Variants in TAFA1 observed in about 807,000 individuals in gnomAD.
TAFA1 encodes chemokine-like protein TAFA-1.
A neutral mutation model predicts 18.5 loss-of-function variants in TAFA1; 4 were observed. The observed-to-expected ratio is 0.22, with a 90% CI of 0.11 to 0.49. The LOEUF is 0.49. Among genes scored for constraint, TAFA1 ranks in the 20% least tolerant of loss-of-function variants. The probability of loss-of-function intolerance (pLI) is 0.98; values close to 1 mark genes in which losing one functional copy is unlikely to be tolerated. For synonymous variants in TAFA1, 56 were observed against 55.2 expected, an observed-to-expected ratio of 1.01 and a Z score of -0.06; for missense variants, 147 against 169.0, an observed-to-expected ratio of 0.87 and a Z score of 0.72.
chr3:68,136,359 G>A lies in TAFA1; in HGVS notation c.118+129615G>A, dbSNP rs76509910. ...ATTTGAAATATACATTGACTTAAAT[G>A]CAAATAGTCAGGCTGAAGCTCTGCT... On this transcript the variant is annotated intron_variant, in intron 2 of 4. Coordinates refer to ENST00000478136, the MANE Select transcript of TAFA1 (RefSeq NM_213609.4). 4.4e-3 allele frequency among the ~76,000 whole-genome samples: 673 copies of A among 152,276 alleles called. 7 individuals carry two copies. Among genetic ancestry groups the A allele is most frequent in the African/African-American group, 0.015 (622 of 41,560 alleles).
intron 2 of TAFA1, among the ~76,000 whole-genome samples, chr3:68,008,005 C>T (rs1296962196): frequency 1.3e-5 from 2 of 152,244 alleles, no homozygotes; most frequent in South Asian, 4.1e-4. Flanking sequence ...CTGCTGGGTG[C>T]TGGAGCTCGG....
intron 2 of TAFA1, among the ~76,000 whole-genome samples, chr3:68,184,529 T>G (rs1425487406): frequency 6.6e-6 from 1 of 152,134 alleles, no homozygotes; most frequent in Non-Finnish European, 1.5e-5. Context: ...AATTATTATT[T>G]TTTGCCCCTG....
At chr3:68,525,755 T>C (rs2073103419) in intron 3 of TAFA1, among the ~76,000 whole-genome samples, 1 of 152,196 alleles carries the variant, frequency 6.6e-6, no homozygotes, top group Admixed American at 6.5e-5. Context: ...CTAGTTATGT[T>C]TTTTGAAGTT....
rs141270264 is a variant in TAFA1, at chr3:68,137,271, G to T, written c.118+130527G>T. The stretch of plus-strand genomic sequence containing the variant: ...TTTTTTTTTCTTTTAGTTCCCAAAG[G>T]TTCTATTTTTTGTTGTTCTTTCAAT... On this transcript the variant is annotated intron_variant, in intron 2 of 4. Coordinates refer to ENST00000478136, the MANE Select transcript of TAFA1 (RefSeq NM_213609.4). Among the ~76,000 whole-genome samples the T allele has an allele frequency of 6.0e-4, 91 of 151,750 alleles. 1 individual carries two copies. The highest frequency in any genetic ancestry group is 2.1e-3 in the African/African-American group (89 of 41,406).
intron 2 of TAFA1, among the ~76,000 whole-genome samples, chr3:68,142,122 A>G (rs566876919): frequency 1.3e-4 from 20 of 152,352 alleles, no homozygotes; most frequent in African/African-American, 4.6e-4. Flanking sequence ...AAGATAAAAA[A>G]GAAGAGAGAT....
chr3:68,510,141 C>G (rs1004007168), intron 3 of TAFA1, among the ~76,000 whole-genome samples: 5 of 152,140 alleles, frequency 3.3e-5, no homozygotes, highest in African/African-American at 7.2e-5. Flanking sequence ...TCTTTCCCAT[C>G]CTGCTTTGGA....
At chr3:68,345,481 G>A (rs192024252) in intron 2 of TAFA1, among the ~76,000 whole-genome samples, 4 of 152,222 alleles carry the variant, frequency 2.6e-5, no homozygotes, top group Admixed American at 6.5e-5. Context: ...CCTCTGACTC[G>A]AGGAAAATAG....
At chr3:68,180,992 T>G (rs959625939) in intron 2 of TAFA1, among the ~76,000 whole-genome samples, 1 of 152,202 alleles carries the variant, frequency 6.6e-6, no homozygotes, top group African/African-American at 2.4e-5. Flanking sequence ...CTGGTTTTCA[T>G]GAAACAAGCT....
chr3:68,174,974 C>T (rs1683327207), intron 2 of TAFA1, among the ~76,000 whole-genome samples: 1 of 152,160 alleles, frequency 6.6e-6, no homozygotes. Flanking sequence ...GCCCTGCAGC[C>T]CAGCTGCTCC....
At chr3:68,329,217 T>C (rs1455352715) in intron 2 of TAFA1, among the ~76,000 whole-genome samples, 3 of 60,498 alleles carry the variant, frequency 5.0e-5, no homozygotes, top group Admixed American at 1.9e-4. Flanking sequence ...CCTGGCTGCC[T>C]TTTTTTTTTT....
chr3:68,182,755 C>G (rs564623967), intron 2 of TAFA1, among the ~76,000 whole-genome samples: 7 of 152,182 alleles, frequency 4.6e-5, no homozygotes, highest in Admixed American at 2.0e-4. Context: ...GTAAACCCTA[C>G]GTAAAACATA....
intron 3 of TAFA1, among the ~76,000 whole-genome samples, chr3:68,508,702 C>T (rs975028361): frequency 6.6e-6 from 1 of 151,834 alleles, no homozygotes; most frequent in African/African-American, 2.4e-5. Context: ...AAAAATAACA[C>T]CAATAGACAT....
At chr3:68,234,827 T>C (rs1308231702) in intron 2 of TAFA1, among the ~76,000 whole-genome samples, 1 of 152,202 alleles carries the variant, frequency 6.6e-6, no homozygotes, top group African/African-American at 2.4e-5. Context: ...GAAAATCACA[T>C]AAAGGCAAAG....
At chr3:68,174,864 T>A (rs1242401815) in intron 2 of TAFA1, among the ~76,000 whole-genome samples, 1 of 152,054 alleles carries the variant, frequency 6.6e-6, no homozygotes. Flanking sequence ...ATGTCAGAGG[T>A]CTTCATGGCT....
At chr3:68,521,365 A>G (rs1050168758) in intron 3 of TAFA1, among the ~76,000 whole-genome samples, 1 of 152,216 alleles carries the variant, frequency 6.6e-6, no homozygotes, top group Non-Finnish European at 1.5e-5. Flanking sequence ...AGGGAGAAGG[A>G]GTTGGGAATG....
intron 2 of TAFA1, among the ~76,000 whole-genome samples, chr3:68,264,588 C>A (rs930230471): frequency 1.3e-5 from 2 of 152,082 alleles, no homozygotes; most frequent in Admixed American, 6.6e-5. Flanking sequence ...TCAATGTTAT[C>A]ATTTTAAAGT....
intron 2 of TAFA1, among the ~76,000 whole-genome samples, chr3:68,132,577 G>A (rs530992567): frequency 7.9e-5 from 12 of 152,198 alleles, no homozygotes; most frequent in Middle Eastern, 3.4e-3. Flanking sequence ...TCTAACTGGC[G>A]TGAGATGGTA....
intron 2 of TAFA1, among the ~76,000 whole-genome samples, chr3:68,018,645 C>A (rs1196097380): frequency 6.6e-6 from 1 of 152,172 alleles, no homozygotes; most frequent in African/African-American, 2.4e-5. Context: ...ATGCCTGAAA[C>A]AGTGTGGCAC....
At chr3:68,253,045 G>A (rs1041350559) in intron 2 of TAFA1, among the ~76,000 whole-genome samples, 5 of 152,086 alleles carry the variant, frequency 3.3e-5, no homozygotes, top group African/African-American at 9.7e-5. Context: ...GTGGAACTGT[G>A]AGTCCATTAA....
Sources: gnomAD v4.1 joint callset for allele counts (sites outside exome capture counted in the v4.1 genomes callset) on GRCh38, gnomAD v4.1.1 for gene constraint, MANE v1.5 for transcripts, NCBI Gene and HGNC (gene_info 2026-07-23, HGNC 2026-07-21) for gene names.